FBXL19: variants seen among roughly 807,000 people sequenced by gnomAD.
FBXL19 encodes the protein F-box/LRR-repeat protein 19.
Under a neutral mutation model 71.2 loss-of-function variants are expected in FBXL19, and 16 were observed. That is an observed-to-expected ratio of 0.22 (90% CI 0.15 to 0.34). The LOEUF (loss-of-function observed/expected upper bound fraction) is 0.34. Among genes scored for constraint, FBXL19 ranks in the 10% least tolerant of loss-of-function variants. FBXL19 has a pLI of 1.00. For synonymous variants in FBXL19, 447 were observed against 409.4 expected (o/e 1.09, Z -1.11); for missense variants, 658 against 968.2 (o/e 0.68, Z 4.25).
rs1397332654 is a variant in FBXL19, at chr16:30,927,400, C to T, written c.270C>T (p.Ser90=). 6.3e-7 allele frequency: 1 copy of T among 1,593,524 alleles called. No individual in the cohort carries two copies. The highest frequency in any genetic ancestry group is 8.5e-7 in the Non-Finnish European group (1 of 1,169,964). Residue 90 remains serine (S), a synonymous_variant, in exon 3 of 11, where the codon AGC becomes AGT. Coordinates refer to ENST00000338343, the MANE Select transcript of FBXL19 (RefSeq NM_001382779.1). ...GAGAGGAAGAGAAATTTGGTTTGAGCCTCATGGAGTGTACAATCTGCAACG... is the reference window on the plus strand; with the variant it reads ...GAGAGGAAGAGAAATTTGGTTTGAGTCTCATGGAGTGTACAATCTGCAACG... ...VEGEEEKFGL[S]LMECTICNEI...
chr16:30,939,793 A>C (rs1179746502), intron 7 of FBXL19, among the ~76,000 whole-genome samples: 2 of 152,036 alleles, frequency 1.3e-5, no homozygotes, highest in Non-Finnish European at 2.9e-5. Flanking sequence ...AACAGCAAAT[A>C]CTGGAGCTTG....
Position 30,928,595 on chromosome 16 carries a change from C to T in FBXL19, c.756C>T (p.Ser252=). Residue 252 remains serine (S), a synonymous_variant, in exon 6 of 11, where the codon TCC becomes TCT. Transcript: ENST00000338343. The stretch of plus-strand genomic sequence containing the variant: ...TGAATCCGAGCCAGGCTTTCTCATC[C>T]TGCCACCCTGGGCTCCCTCCCGAGA... ...RVLNPSQAFS[S]CHPGLPPENW... 6.2e-7 allele frequency: 1 copy of T among 1,601,784 alleles called. No individual in the cohort carries two copies. The highest frequency in any genetic ancestry group is 8.5e-7 in the Non-Finnish European group (1 of 1,174,458).
chr16:30,942,001 T>C lies in FBXL19; in HGVS notation c.1302-115T>C, dbSNP rs2055807170. 8.3e-7 allele frequency: 1 copy of C among 1,206,396 alleles called. No individual in the cohort carries two copies. The highest frequency in any genetic ancestry group is 2.7e-5 in the East Asian group (1 of 37,348). The allele number at this position is 1,206,396 out of a possible 1,614,324, so 74.7% of individuals were successfully genotyped here. ...AGGTCAGGTGCTTCTTGCTACCCTG[T>C]TGTCTGTGTGGCCAGAAGAGAGCTG... On this transcript the variant is annotated intron_variant, in intron 7 of 10. Transcript: ENST00000338343. The surrounding 1 kb of genome is among the most constrained non-coding windows in gnomAD (Gnocchi z 5.7).
intron 9 of FBXL19, among the ~76,000 whole-genome samples, chr16:30,945,849 G>GA (rs11464927): frequency 0.1 from 8,556 of 85,786 alleles, 872 homozygotes; most frequent in African/African-American, 0.32. Flanking sequence ...CCGTCTCGGG[G>GA]AAAAAAAAAA....
Position 30,930,674 on chromosome 16 carries a change from C to T in FBXL19, c.1301+90C>T. 7.5e-7 allele frequency: 1 copy of T among 1,338,690 alleles called. No homozygotes were observed. Among genetic ancestry groups the T allele is most frequent in the Non-Finnish European group, 9.6e-7 (1 of 1,036,886 alleles). 82.9% of individuals were successfully genotyped at this position (1,338,690 alleles called of 1,614,324 possible). On this transcript the variant is annotated intron_variant, in intron 7 of 10. Transcript: ENST00000338343. This position sits in a 1 kb window ranked among gnomAD's most constrained non-coding sequence, Gnocchi z 8.5. ...GGTAGGTCTCTGGCCCTCTCTGGGC[C>T]TTGCTTTTATATTGGGGATACTTCT...
In FBXL19 at chr16:30,942,521, C is replaced by G. The variant is rs759154531; in HGVS notation, c.1612C>G (p.Pro538Ala). Residue 538 changes from proline to alanine, a missense_variant, in exon 9 of 11, where the codon CCA becomes GCA. Pro to Ala is a conservative substitution (Grantham distance 27). Coordinates refer to ENST00000338343, the MANE Select transcript of FBXL19 (RefSeq NM_001382779.1). The surrounding 1 kb of genome is among the most constrained non-coding windows in gnomAD (Gnocchi z 5.7). ...GCTCCGGGAGTTGCTGCTGCCTCCACCAGACACCAAACCAGGTGCAACCTC... is the reference window on the plus strand; with the variant it reads ...GCTCCGGGAGTTGCTGCTGCCTCCAGCAGACACCAAACCAGGTGCAACCTC... ...SQLRELLLPP[P>A]DTKPGQTESR... is the part of the protein sequence containing the mutation. 1.9e-6 allele frequency: 3 copies of G among 1,590,970 alleles called. No individual in the cohort carries two copies. In the Admixed American group the frequency reaches 5.3e-5, roughly 28 times the overall value.
In FBXL19 at chr16:30,925,736, G is replaced by C. The variant is rs1411807529; in HGVS notation, c.-19G>C. 4.7e-6 allele frequency: 7 copies of C among 1,489,922 alleles called. No homozygotes were observed. Among genetic ancestry groups the C allele is most frequent in the Non-Finnish European group, 6.2e-6 (7 of 1,125,606 alleles). 92.3% of individuals were successfully genotyped at this position (1,489,922 alleles called of 1,614,324 possible). ...CTGCCACCATCCACCTACAGCCCTC[G>C]GCGTTGCTGACGCCCCCAATGTCGT... On this transcript the variant is annotated 5_prime_UTR_variant, in exon 2 of 11. Coordinates refer to ENST00000338343, the MANE Select transcript of FBXL19 (RefSeq NM_001382779.1). This position sits in a 1 kb window ranked among gnomAD's most constrained non-coding sequence, Gnocchi z 5.0.
At chr16:30,936,241 A>G (rs2055730925) in intron 7 of FBXL19, among the ~76,000 whole-genome samples, 1 of 152,158 alleles carries the variant, frequency 6.6e-6, no homozygotes, top group Admixed American at 6.5e-5. Flanking sequence ...CTCTGTGACC[A>G]TGATAGTCTA....
At chr16:30,924,713 A>G in intron 1 of FBXL19, 1 of 1,489,702 alleles carries the variant, frequency 6.7e-7, no homozygotes, top group Admixed American at 2.8e-5. Context: ...GGAGCGCTGG[A>G]GGGCCCCTTA....
At position 30,928,561 on chromosome 16, in the gene FBXL19, C is replaced by T; in HGVS notation, c.722C>T (p.Pro241Leu). The T allele has an allele frequency of 1.2e-6, 2 of 1,608,236 alleles. No individual in the cohort carries two copies. The highest frequency in any genetic ancestry group is 1.7e-6 in the Non-Finnish European group (2 of 1,177,372). Residue 241 changes from proline to leucine, a missense_variant, in exon 6 of 11, where the codon CCC (proline) becomes CTC (leucine). Transcript: ENST00000338343. ...SDPGGPGLLP[P>L]RVLNPSQAFS... The stretch of plus-strand genomic sequence containing the variant: ...CCAGGCGGCCCGGGCCTGCTGCCCC[C>T]CAGGGTTCTGAATCCGAGCCAGGCT...
chr16:30,927,239 C>T (rs1207316574), intron 2 of FBXL19, 69 bp from the exon 3 acceptor site: 33 of 1,464,076 alleles, frequency 2.3e-5, no homozygotes, highest in Non-Finnish European at 2.9e-5. Flanking sequence ...TGGCCAGGGT[C>T]CCTAGAAGGA....
intron 9 of FBXL19, among the ~76,000 whole-genome samples, chr16:30,943,029 T>G (rs573243731): frequency 6.6e-6 from 1 of 152,234 alleles, no homozygotes; most frequent in Non-Finnish European, 1.5e-5. Flanking sequence ...TCCAGCTCCC[T>G]GAGGGCAAGC....
At chr16:30,937,493 T>C (rs2055752236) in intron 7 of FBXL19, among the ~76,000 whole-genome samples, 1 of 152,080 alleles carries the variant, frequency 6.6e-6, no homozygotes, top group Admixed American at 6.5e-5. Flanking sequence ...CTTTGCCTCC[T>C]CCGTGCCCAG....
Position 30,930,094 on chromosome 16 carries a change from T to C in FBXL19, c.811T>C (p.Ser271Pro). 6.2e-7 allele frequency: 1 copy of C among 1,612,970 alleles called. No individual in the cohort carries two copies. The highest frequency in any genetic ancestry group is 8.5e-7 in the Non-Finnish European group (1 of 1,179,380). ...NWEKPKPPLA[S>P]AEGPAVPSPS... ...GCAGAAACCAAAGCCGCCTTTGGCC[T>C]CTGCAGAGGGCCCAGCGGTGCCGTC... Residue 271 changes from serine (S) to proline (P), a missense_variant, in exon 7 of 11, where the codon TCT (serine) becomes CCT (proline). Ser to Pro is a moderately conservative substitution (Grantham distance 74, BLOSUM62 -1). This residue lies in a region of FBXL19 where 447 missense variants were observed against 515.4 expected (regional missense o/e 0.87). Coordinates refer to ENST00000338343, the MANE Select transcript of FBXL19 (RefSeq NM_001382779.1). This position sits in a 1 kb window ranked among gnomAD's most constrained non-coding sequence, Gnocchi z 8.5.
At position 30,930,219 on chromosome 16, in the gene FBXL19, C is replaced by G. The variant is rs745989912; in HGVS notation, c.936C>G (p.Ser312=). Residue 312 remains serine (S), a synonymous_variant, in exon 7 of 11, where the codon TCC becomes TCG. Coordinates refer to ENST00000338343, the MANE Select transcript of FBXL19 (RefSeq NM_001382779.1). The surrounding 1 kb of genome is among the most constrained non-coding windows in gnomAD (Gnocchi z 8.5). ...DTSSSSSDSD[S]DSDSSGTSLS... ...CCTCTTCCTCCTCGGACTCAGACTC[C>G]GACTCCGACTCTTCGGGCACATCGC... is the stretch of plus-strand genomic sequence containing the variant. The G allele has an allele frequency of 3.1e-6, 5 of 1,613,074 alleles. No homozygotes were observed. Among genetic ancestry groups the G allele is most frequent in the Admixed American group, 1.7e-5 (1 of 60,036 alleles).
intron 7 of FBXL19, among the ~76,000 whole-genome samples, chr16:30,936,211 C>T (rs1201542150): frequency 2.0e-5 from 3 of 152,206 alleles, no homozygotes; most frequent in African/African-American, 7.2e-5. Flanking sequence ...ATCCCCATAG[C>T]TCACATCCTC....
chr16:30,924,822 G>A, intron 1 of FBXL19: 2 of 1,349,660 alleles, frequency 1.5e-6, no homozygotes, highest in South Asian at 3.6e-5. Context: ...ATGGGATCTT[G>A]GAGGATCTGG....
chr16:30,942,650 A>AT lies in FBXL19; in HGVS notation c.1627+115dup. 7.0e-7 allele frequency: 1 copy of AT among 1,424,948 alleles called. No individual in the cohort carries two copies. Among genetic ancestry groups the AT allele is most frequent in the South Asian group, 1.5e-5 (1 of 66,066 alleles). The allele number at this position is 1,424,948 out of a possible 1,614,324, so 88.3% of individuals were successfully genotyped here. Reference sequence around the variant, plus strand: ...GTAAAGTATTTGAAGAAAGGAAAGAATACATGAGTTTGAATAGGAAGGCCC... The same window carrying AT: ...GTAAAGTATTTGAAGAAAGGAAAGAATTACATGAGTTTGAATAGGAAGGCCC... On this transcript the variant is annotated intron_variant, in intron 9 of 10. Transcript: ENST00000338343. The surrounding 1 kb of genome is among the most constrained non-coding windows in gnomAD (Gnocchi z 5.7).
Position 30,946,497 on chromosome 16 carries a change from G to C in FBXL19, c.1628-233G>C, listed in dbSNP as rs778696146. ...TAGGATTACAGGCATGAGCCACCACGCCTGGCAGAATATTGTAGTCTCAAA... is the reference window on the plus strand; with the variant it reads ...TAGGATTACAGGCATGAGCCACCACCCCTGGCAGAATATTGTAGTCTCAAA... On this transcript the variant is annotated intron_variant, in intron 9 of 10. Coordinates refer to ENST00000338343, the MANE Select transcript of FBXL19 (RefSeq NM_001382779.1). The surrounding 1 kb of genome is among the most constrained non-coding windows in gnomAD (Gnocchi z 6.7). 6.6e-6 allele frequency among the ~76,000 whole-genome samples: 1 copy of C among 152,180 alleles called. No individual in the cohort carries two copies. Among genetic ancestry groups the C allele is most frequent in the Non-Finnish European group, 1.5e-5 (1 of 68,044 alleles).
Sources: gnomAD v4.1 joint callset for allele counts (sites outside exome capture counted in the v4.1 genomes callset) on GRCh38, gnomAD v4.1.1 for gene constraint, gnomAD v4.1.1 regional missense constraint, Gnocchi (gnomAD v3.1) non-coding constraint, MANE v1.5 for transcripts, NCBI Gene and HGNC (gene_info 2026-07-23, HGNC 2026-07-21) for gene names.